The following HYCC2 variants were observed in gnomAD, a reference collection of about 807,000 sequenced individuals.
HYCC2 encodes hyccin PI4KA lipid kinase complex subunit 2.
chr2:201,015,082 C>T, the HYCC2 span, among the ~76,000 whole-genome samples: 178 of 152,230 alleles, frequency 1.2e-3, 1 homozygote, highest in African/African-American at 3.6e-3. Context: ...ATAAAATTCA[C>T]GATTCTTTAT....
the HYCC2 span, among the ~76,000 whole-genome samples, chr2:201,026,297 CAGCCAGATTCATAAAGCAAGTCCTT>C: frequency 6.6e-6 from 1 of 152,130 alleles, no homozygotes; most frequent in African/African-American, 2.4e-5. Context: ...AATACAGGAG[CAGCCAGATTCATAAAGCAAGTCCTT>C]AGAGGCCTAC....
the HYCC2 span, among the ~76,000 whole-genome samples, chr2:201,052,435 T>C: frequency 6.6e-6 from 1 of 151,842 alleles, no homozygotes; most frequent in Non-Finnish European, 1.5e-5. Context: ...TGAGACCTCG[T>C]CTCTGCAAAA....
chr2:201,024,280 G>A, the HYCC2 span, among the ~76,000 whole-genome samples: 5 of 151,994 alleles, frequency 3.3e-5, no homozygotes, highest in Admixed American at 1.3e-4. Context: ...ACTTGAGCTC[G>A]GAGTTCAAGA....
chr2:201,052,163 T>A, the HYCC2 span: 1 of 152,186 alleles, frequency 6.6e-6, no homozygotes, highest in Non-Finnish European at 1.5e-5. Context: ...CCCAGTGCAG[T>A]GGTACGCACC....
At chr2:201,063,882 A>C in the HYCC2 span, 1 of 1,595,504 alleles carries the variant, frequency 6.3e-7, no homozygotes, top group East Asian at 2.2e-5. Flanking sequence ...GATTTTGGCA[A>C]TTACAAAAAT....
chr2:201,021,885 A>G, the HYCC2 span: 1 of 378,296 alleles, frequency 2.6e-6, no homozygotes, highest in Non-Finnish European at 5.2e-6. Flanking sequence ...ACTGCAAGAG[A>G]AAAAGCAAAT....
chr2:201,011,026 T>C, the HYCC2 span, among the ~76,000 whole-genome samples: 1 of 151,860 alleles, frequency 6.6e-6, no homozygotes, highest in Non-Finnish European at 1.5e-5. Context: ...GTGTCTATAG[T>C]CCCAGCTACT....
the HYCC2 span, among the ~76,000 whole-genome samples, chr2:201,060,228 T>A: frequency 6.6e-6 from 1 of 152,122 alleles, no homozygotes; most frequent in Admixed American, 6.5e-5. Flanking sequence ...GCAGATACAG[T>A]ATAGAAGATA....
chr2:201,057,477 C>A, the HYCC2 span, among the ~76,000 whole-genome samples: 7 of 152,276 alleles, frequency 4.6e-5, no homozygotes, highest in Non-Finnish European at 7.3e-5. Context: ...CCAGCTTGCA[C>A]CAGATTTTAC....
the HYCC2 span, among the ~76,000 whole-genome samples, chr2:200,983,294 T>C: frequency 1.3e-5 from 2 of 152,146 alleles, no homozygotes; most frequent in Admixed American, 1.3e-4. Flanking sequence ...ACATTACAGG[T>C]AAGGTAAAAA....
At chr2:201,037,421 C>T in the HYCC2 span, among the ~76,000 whole-genome samples, 1 of 152,186 alleles carries the variant, frequency 6.6e-6, no homozygotes, top group African/African-American at 2.4e-5. Context: ...CAAAAAAGAG[C>T]CCGCATTGCC....
At chr2:201,063,005 A>G in the HYCC2 span, 1 of 1,464,516 alleles carries the variant, frequency 6.8e-7, no homozygotes. Context: ...ATTATGCATC[A>G]AGTACTATAA....
the HYCC2 span, among the ~76,000 whole-genome samples, chr2:201,033,190 T>A: frequency 0.036 from 5,124 of 141,268 alleles, 130 homozygotes; most frequent in African/African-American, 0.056. Context: ...TGTGTGTGTG[T>A]GTGTGTGAGA....
the HYCC2 span, among the ~76,000 whole-genome samples, chr2:201,060,055 G>T: frequency 1.2e-5 from 1 of 85,776 alleles, no homozygotes; most frequent in East Asian, 3.3e-4. Context: ...AAAAAAAAGC[G>T]GGGGGGGGGG....
At chr2:201,026,280 T>C in the HYCC2 span, among the ~76,000 whole-genome samples, 1 of 152,174 alleles carries the variant, frequency 6.6e-6, no homozygotes, top group Non-Finnish European at 1.5e-5. Context: ...TAAATATATA[T>C]GCACCCAATA....
At chr2:201,004,782 C>G in the HYCC2 span, among the ~76,000 whole-genome samples, 1 of 152,170 alleles carries the variant, frequency 6.6e-6, no homozygotes, top group East Asian at 1.9e-4. Flanking sequence ...CTTTGGGAGG[C>G]CGAGGCAGGT....
the HYCC2 span, chr2:201,045,662 G>C: frequency 1.0e-5 from 4 of 395,176 alleles, no homozygotes; most frequent in Admixed American, 1.8e-4. Context: ...ACAAAGAACA[G>C]TTTTGATAGG....
chr2:201,008,942 A>C, the HYCC2 span: 1 of 1,281,350 alleles, frequency 7.8e-7, no homozygotes, highest in Non-Finnish European at 1.1e-6. Context: ...CATACATACA[A>C]GTTGTTACTA....
the HYCC2 span, chr2:201,022,043 G>A: frequency 7.8e-7 from 1 of 1,285,466 alleles, no homozygotes. Context: ...TAAGCTGCTG[G>A]TTAGGAGAGG....
Sources: gnomAD v4.1 joint callset for allele counts (sites outside exome capture counted in the v4.1 genomes callset) on GRCh38, gnomAD v4.1.1 for gene constraint, MANE v1.5 for transcripts, NCBI Gene and HGNC (gene_info 2026-07-23, HGNC 2026-07-21) for gene names.